ADAMTS2: variants seen among roughly 807,000 people sequenced by gnomAD.
ADAMTS2 encodes the protein ADAM metallopeptidase with thrombospondin type 1 motif 2.
ADAMTS2 carries 50 observed loss-of-function variants against 123.0 expected under a neutral mutation model. The observed-to-expected ratio is 0.41, with a 90% CI of 0.32 to 0.51. The LOEUF (loss-of-function observed/expected upper bound fraction) is 0.51, where lower values mean the gene tolerates loss of function less well. ADAMTS2 is among the 20% of genes least tolerant of loss of function. The probability of loss-of-function intolerance (pLI) is 0.35; values close to 1 mark genes in which losing one functional copy is unlikely to be tolerated. For missense variants in ADAMTS2, 1,494 were observed against 1,705.2 expected, an observed-to-expected ratio of 0.88 and a Z score of 2.18; for synonymous variants, 678 against 695.4, an observed-to-expected ratio of 0.98 and a Z score of 0.39.
intron 2 of ADAMTS2, among the ~76,000 whole-genome samples, chr5:179,337,011 C>T (rs926527501): frequency 6.6e-6 from 1 of 152,208 alleles, no homozygotes; most frequent in African/African-American, 2.4e-5. Flanking sequence ...CTGGAGTCGT[C>T]GTGCAGTGTA....
At chr5:179,271,967 C>T (rs1766548411) in intron 3 of ADAMTS2, among the ~76,000 whole-genome samples, 1 of 152,214 alleles carries the variant, frequency 6.6e-6, no homozygotes, top group Non-Finnish European at 1.5e-5. Flanking sequence ...TGTGCCCGAT[C>T]CTGGGCCCCA....
At chr5:179,257,802 C>T (rs1257471518) in intron 3 of ADAMTS2, among the ~76,000 whole-genome samples, 2 of 152,310 alleles carry the variant, frequency 1.3e-5, no homozygotes, top group South Asian at 4.1e-4. Context: ...GCACTGAGGC[C>T]GCCTCCTGAC....
intron 3 of ADAMTS2, among the ~76,000 whole-genome samples, chr5:179,214,808 C>T (rs1764936998): frequency 6.6e-6 from 1 of 152,136 alleles, no homozygotes; most frequent in Non-Finnish European, 1.5e-5. Flanking sequence ...GCATAATCTC[C>T]ATCAAATAAT....
chr5:179,207,471 A>ACCCCCCCCCCCCCCCCCC, intron 4 of ADAMTS2, 42 bp downstream of exon 4: 1 of 1,026,474 alleles, frequency 9.7e-7, no homozygotes, highest in Admixed American at 1.7e-5. Flanking sequence ...CCCCTGGTTG[A>ACCCCCCCCCCCCCCCCCC]CCCTCCCCGC....
chr5:179,306,447 A>G (rs1178879472), intron 2 of ADAMTS2, among the ~76,000 whole-genome samples: 1 of 152,244 alleles, frequency 6.6e-6, no homozygotes, highest in Non-Finnish European at 1.5e-5. Context: ...ACTAACAGAG[A>G]AAGAAACGTG....
At position 179,117,466 on chromosome 5, in the gene ADAMTS2, G is replaced by T. The variant is rs944790300; in HGVS notation, c.3179-3142C>A. ...GGAATCACATCAGCCTGGTACAGTG[G>T]TGGGCCATCTACGGCTAGTGTGCCA... is the stretch of plus-strand genomic sequence containing the variant. On this transcript the variant is annotated intron_variant, in intron 21 of 21. Transcript: ENST00000251582. This position sits in a 1 kb window ranked among gnomAD's most constrained non-coding sequence, Gnocchi z 4.2. Among the ~76,000 whole-genome samples the T allele has an allele frequency of 2.0e-5, 3 of 152,186 alleles. No homozygotes were observed. Among genetic ancestry groups the T allele is most frequent in the Non-Finnish European group, 4.4e-5 (3 of 68,042 alleles).
At chr5:179,192,524 G>A (rs988594097) in intron 4 of ADAMTS2, among the ~76,000 whole-genome samples, 11 of 152,184 alleles carry the variant, frequency 7.2e-5, no homozygotes, top group Middle Eastern at 3.2e-3. Context: ...CCTGCCCACC[G>A]CTACACAGGA....
chr5:179,290,818 G>A (rs1428824565), intron 2 of ADAMTS2, among the ~76,000 whole-genome samples: 6 of 152,186 alleles, frequency 3.9e-5, no homozygotes, highest in Non-Finnish European at 7.3e-5. Context: ...AGGTTCCAGG[G>A]ATCGGGGAGC....
At chr5:179,137,713 GC>G in intron 12 of ADAMTS2, 55 bp downstream of exon 12, 1 of 1,188,732 alleles carries the variant, frequency 8.4e-7, no homozygotes. Context: ...CCCCCACCCT[GC>G]CCACCCTAGG....
rs1010032577 is a variant in ADAMTS2 at position 179,345,230 on chromosome 5, C to T, written c.99G>A (p.Pro33=). 4 of 1,080,020 alleles carry T rather than the reference C, an allele frequency of 3.7e-6. No homozygotes were observed. Among genetic ancestry groups the T allele is most frequent in the African/African-American group, 1.7e-5 (1 of 58,320 alleles). 66.9% of individuals were successfully genotyped at this position (1,080,020 alleles called of 1,614,324 possible). Residue 33 remains proline (P), a synonymous_variant, in exon 1 of 22, where the codon CCG becomes CCA. Coordinates refer to ENST00000251582, the MANE Select transcript of ADAMTS2 (RefSeq NM_014244.5). The surrounding 1 kb of genome is among the most constrained non-coding windows in gnomAD (Gnocchi z 7.5). The part of the protein sequence containing the change: ...LPPPLLPPPP[P]PANARLAAAA... ...CGGCGGCGAGCCTGGCGTTCGCGGGCGGCGGCGGCGGCGGCAGGAGCGGCG... is the reference window on the plus strand; with the variant it reads ...CGGCGGCGAGCCTGGCGTTCGCGGGTGGCGGCGGCGGCGGCAGGAGCGGCG...
Position 179,200,655 on chromosome 5 carries a change from C to T in ADAMTS2, c.891+6858G>A, listed in dbSNP as rs140561397. Among the ~76,000 whole-genome samples, 6 of 152,194 alleles carry T rather than the reference C, an allele frequency of 3.9e-5. No homozygotes were observed. The East Asian group carries it at 1.2e-3, about 29-fold the overall frequency. ...ACTGGAGCTTGGGAAGTACAGCTGC[C>T]AAGTAGGGCAGAAACTCAGAAGATT... is the stretch of plus-strand genomic sequence containing the variant. On this transcript the variant is annotated intron_variant, in intron 4 of 21. Transcript: ENST00000251582.
chr5:179,114,162 T>C lies in ADAMTS2; in HGVS notation c.3341A>G (p.Asn1114Ser). 1 of 1,612,576 alleles carries C rather than the reference T, an allele frequency of 6.2e-7. No homozygotes were observed. Among genetic ancestry groups the C allele is most frequent in the Admixed American group, 1.7e-5 (1 of 59,978 alleles). The change falls in exon 22 of 22, where the codon AAC becomes AGC. Residue 1114 changes from asparagine (N) to serine (S), a missense_variant. Around this residue, in one of 6 missense-constraint regions of ADAMTS2, gnomAD observed 953 missense variants for 1,124.7 expected, o/e 0.85. Transcript: ENST00000251582. Reference sequence around the variant, plus strand: ...GGTAGGCATGAACACGTCAATGTCGTTGTGCTTCCCAGGCGGTGGCTCTAT... The same window carrying C: ...GGTAGGCATGAACACGTCAATGTCGCTGTGCTTCCCAGGCGGTGGCTCTAT... The part of the protein sequence containing the change: ...GRIEPPPGKH[N>S]DIDVFMPTLP...
Position 179,247,279 on chromosome 5 carries a change from C to G in ADAMTS2, c.688+25632G>C, listed in dbSNP as rs79208137. 2.6e-3 allele frequency among the ~76,000 whole-genome samples: 389 copies of G among 152,194 alleles called. 5 individuals are homozygous for G. Among genetic ancestry groups the G allele is most frequent in the South Asian group, 0.013 (65 of 4,820 alleles). On this transcript the variant is annotated intron_variant, in intron 3 of 21. Coordinates refer to ENST00000251582, the MANE Select transcript of ADAMTS2 (RefSeq NM_014244.5). ...AAATTTCAATAGATCAGTTCAATAG[C>G]AGATTTGAGCAGGCAAACAAAGAAT... is the stretch of plus-strand genomic sequence containing the variant.
intron 2 of ADAMTS2, among the ~76,000 whole-genome samples, chr5:179,340,730 C>T (rs1757749040): frequency 6.6e-6 from 1 of 152,096 alleles, no homozygotes; most frequent in Admixed American, 6.5e-5. Context: ...GGCGAGGTGG[C>T]ACAGGGGGCT....
At chr5:179,343,045 C>T (rs1279069648) in intron 2 of ADAMTS2, among the ~76,000 whole-genome samples, 2 of 152,204 alleles carry the variant, frequency 1.3e-5, no homozygotes, top group Non-Finnish European at 2.9e-5. Flanking sequence ...CAAATGCACC[C>T]CTCAGCTCAA....
chr5:179,302,678 G>C (rs1459350024), intron 2 of ADAMTS2, among the ~76,000 whole-genome samples: 1 of 151,982 alleles, frequency 6.6e-6, no homozygotes, highest in African/African-American at 2.4e-5. Flanking sequence ...AGAGGAAGTC[G>C]ACAGAGAGTG....
chr5:179,284,735 A>G (rs1190954997), intron 2 of ADAMTS2, among the ~76,000 whole-genome samples: 1 of 152,176 alleles, frequency 6.6e-6, no homozygotes, highest in Non-Finnish European at 1.5e-5. Context: ...TAATTTTACA[A>G]AATTTACAGA....
At chr5:179,190,824 T>G (rs1764287695) in intron 4 of ADAMTS2, among the ~76,000 whole-genome samples, 1 of 152,256 alleles carries the variant, frequency 6.6e-6, no homozygotes, top group African/African-American at 2.4e-5. Flanking sequence ...GGCTTCGCCC[T>G]TACACCCACC....
At chr5:179,245,466 C>A (rs1765763003) in intron 3 of ADAMTS2, among the ~76,000 whole-genome samples, 1 of 152,100 alleles carries the variant, frequency 6.6e-6, no homozygotes, top group Admixed American at 6.5e-5. Flanking sequence ...ACAGCAAGAA[C>A]AGTACAAAGA....
Sources: allele counts gnomAD v4.1 joint callset (sites outside exome capture counted in the v4.1 genomes callset), GRCh38; gene constraint gnomAD v4.1.1; regional missense constraint gnomAD v4.1.1; non-coding constraint Gnocchi (gnomAD v3.1); transcripts MANE v1.5; gene names NCBI Gene and HGNC (gene_info 2026-07-23, HGNC 2026-07-21).